CRYL1: variants seen among roughly 807,000 people sequenced by gnomAD.
CRYL1 encodes the protein crystallin lambda 1.
Under a neutral mutation model 36.6 loss-of-function variants are expected in CRYL1, and 29 were observed. The observed-to-expected ratio is 0.79, with a 90% CI of 0.59 to 1.08. The LOEUF is 1.08. CRYL1 is among the 50% of genes least tolerant of loss of function. The pLI is 0.00. For missense variants in CRYL1, 411 were observed against 407.9 expected, an observed-to-expected ratio of 1.01 and a Z score of -0.06; for synonymous variants, 152 against 151.5, an observed-to-expected ratio of 1.00 and a Z score of -0.02.
chr13:20,508,875 AC>A (rs1565988315), intron 2 of CRYL1, among the ~76,000 whole-genome samples: 417 of 13,770 alleles, frequency 0.03, 81 homozygotes, highest in African/African-American at 0.044. Context: ...AAAAAAAAAA[AC>A]AAAAAAAAAA....
chr13:20,470,384 G>A (rs2033028942), intron 3 of CRYL1, among the ~76,000 whole-genome samples: 1 of 152,224 alleles, frequency 6.6e-6, no homozygotes, highest in Non-Finnish European at 1.5e-5. Context: ...TGCCAGCACT[G>A]GGAAACCACA....
chr13:20,476,529 C>G (rs2033170662), intron 3 of CRYL1, among the ~76,000 whole-genome samples: 1 of 152,174 alleles, frequency 6.6e-6, no homozygotes, highest in Non-Finnish European at 1.5e-5. Flanking sequence ...TGAATATTGA[C>G]TTTCAAATGA....
intron 6 of CRYL1, among the ~76,000 whole-genome samples, chr13:20,412,803 A>C (rs2031557898): frequency 6.6e-6 from 1 of 152,144 alleles, no homozygotes; most frequent in Non-Finnish European, 1.5e-5. Flanking sequence ...CTCAGCTCCC[A>C]GCCTGTGGAA....
intron 4 of CRYL1, 79 bp downstream of exon 4, chr13:20,439,514 C>CAAAAAAAAAAAAAGAAAAAAA: frequency 9.1e-6 from 3 of 330,904 alleles, no homozygotes; most frequent in East Asian, 8.4e-5. Flanking sequence ...CCCTCCCCCG[C>CAAAAAAAAAAAAAGAAAAAAA]AAAAAAAAAA....
At chr13:20,498,377 C>T (rs9552213) in intron 2 of CRYL1, among the ~76,000 whole-genome samples, 132,013 of 149,590 alleles carry the variant, frequency 0.88, 60,088 homozygotes, top group East Asian at 1. Flanking sequence ...ACACACACTA[C>T]GCACACCACA....
intron 2 of CRYL1, among the ~76,000 whole-genome samples, chr13:20,508,887 A>AAAG (rs2033860393): frequency 1.6e-5 from 2 of 126,988 alleles, no homozygotes; most frequent in African/African-American, 5.7e-5. Flanking sequence ...AAAAAAAAAA[A>AAAG]ACTGACAACA....
At chr13:20,475,706 G>C (rs2033152477) in intron 3 of CRYL1, among the ~76,000 whole-genome samples, 2 of 152,192 alleles carry the variant, frequency 1.3e-5, no homozygotes, top group South Asian at 4.1e-4. Context: ...CTTGGGAACA[G>C]AGGGGAATCA....
At chr13:20,464,901 C>T (rs947578177) in intron 3 of CRYL1, among the ~76,000 whole-genome samples, 2 of 152,190 alleles carry the variant, frequency 1.3e-5, no homozygotes, top group African/African-American at 4.8e-5. Context: ...CTACACACAG[C>T]CGCCTTCGCC....
At chr13:20,508,791 G>C (rs1428574754) in intron 2 of CRYL1, among the ~76,000 whole-genome samples, 1 of 142,346 alleles carries the variant, frequency 7.0e-6, no homozygotes, top group Middle Eastern at 3.8e-3. Flanking sequence ...GGAGCTTGCA[G>C]CGAGCAGAGA....
At chr13:20,410,501 T>G (rs2031491045) in intron 6 of CRYL1, among the ~76,000 whole-genome samples, 1 of 151,790 alleles carries the variant, frequency 6.6e-6, no homozygotes, top group Non-Finnish European at 1.5e-5. Context: ...ACCTGCACAT[T>G]GTGCACATGT....
At position 20,419,864 on chromosome 13, in the gene CRYL1, A is replaced by G. The variant is rs377676322; in HGVS notation, c.634-6477T>C. ...CTTCACCACATGTTGCTTCCCCCAC[A>G]TGCAACAGGAAACTGGCTCCACGGC... On this transcript the variant is annotated intron_variant, in intron 5 of 7. Coordinates refer to ENST00000298248, the MANE Select transcript of CRYL1 (RefSeq NM_015974.3). 3.2e-4 allele frequency among the ~76,000 whole-genome samples: 48 copies of G among 152,324 alleles called. No homozygotes were observed. In the East Asian group the frequency reaches 7.5e-3, roughly 24 times the overall value.
In CRYL1 at chr13:20,507,709, G is replaced by C. The variant is rs373588556; in HGVS notation, c.149+4734C>G. Among the ~76,000 whole-genome samples the C allele has an allele frequency of 2.8e-4, 43 of 151,898 alleles. No individual in the cohort carries two copies. The South Asian group carries it at 6.9e-3, about 24-fold the overall frequency. ...CAAGGCAGGCGGATCACAAGGTCAG[G>C]AGATCGAGACCATCCTGGCTAACAC... On this transcript the variant is annotated intron_variant, in intron 2 of 7. Transcript: ENST00000298248.
At chr13:20,422,732 C>T in intron 5 of CRYL1, among the ~76,000 whole-genome samples, 1 of 152,186 alleles carries the variant, frequency 6.6e-6, no homozygotes, top group East Asian at 1.9e-4. Context: ...TGGAAGAGCC[C>T]CACATTCCAA....
chr13:20,439,302 C>A (rs1565964626), intron 4 of CRYL1, among the ~76,000 whole-genome samples: 2 of 152,100 alleles, frequency 1.3e-5, no homozygotes, highest in Admixed American at 6.5e-5. Flanking sequence ...AGTCCTCACT[C>A]TATTCCGTTG....
At chr13:20,445,911 G>C (rs749113223) in intron 3 of CRYL1, among the ~76,000 whole-genome samples, 3 of 152,186 alleles carry the variant, frequency 2.0e-5, no homozygotes, top group Non-Finnish European at 2.9e-5. Flanking sequence ...AACCAGCCCA[G>C]TTGGTTCTGT....
At chr13:20,503,280 G>A (rs1174986166) in intron 2 of CRYL1, among the ~76,000 whole-genome samples, 1 of 152,222 alleles carries the variant, frequency 6.6e-6, no homozygotes, top group African/African-American at 2.4e-5. Context: ...GGCTGAACCC[G>A]CAGCCACTGC....
At chr13:20,420,796 C>T (rs571272978) in intron 5 of CRYL1, among the ~76,000 whole-genome samples, 2 of 144,808 alleles carry the variant, frequency 1.4e-5, no homozygotes, top group South Asian at 2.2e-4. Flanking sequence ...AGTGCAGTGG[C>T]GTGATCGCAA....
chr13:20,431,654 G>T (rs2032062325), intron 5 of CRYL1: 1 of 1,083,510 alleles, frequency 9.2e-7, no homozygotes. Flanking sequence ...ACTCTAACAA[G>T]TCTATTCATC....
chr13:20,498,217 C>T (rs548366360), intron 2 of CRYL1, among the ~76,000 whole-genome samples: 43 of 150,698 alleles, frequency 2.9e-4, no homozygotes, highest in African/African-American at 1.0e-3. Context: ...ACTACACATA[C>T]CCCATATACA....
Sources: allele counts gnomAD v4.1 joint callset (sites outside exome capture counted in the v4.1 genomes callset), GRCh38; gene constraint gnomAD v4.1.1; transcripts MANE v1.5; gene names NCBI Gene and HGNC (gene_info 2026-07-23, HGNC 2026-07-21).